The following SHOX variants were observed in gnomAD, a reference collection of about 807,000 sequenced individuals.
The protein encoded by SHOX is SHOX homeobox.
In SHOX, 12 loss-of-function variants were observed where a neutral mutation model predicts 29.6. That is an observed-to-expected ratio of 0.41 (90% CI 0.26 to 0.66). The LOEUF is 0.66. Among genes scored for constraint, SHOX ranks in the 30% least tolerant of loss-of-function variants. SHOX has a pLI of 0.35. For missense variants in SHOX, 499 were observed against 437.7 expected, an observed-to-expected ratio of 1.14 and a Z score of -1.25; for synonymous variants, 214 against 200.6, an observed-to-expected ratio of 1.07 and a Z score of -0.57.
chrX:641,719 A>T (rs992472720), intron 4 of SHOX, among the ~76,000 whole-genome samples: 16 of 151,092 alleles, frequency 1.1e-4, no homozygotes, highest in Non-Finnish European at 2.1e-4. Context: ...AGGCTGTAAA[A>T]ATCCACTTTT....
rs760645033 is a variant in SHOX at position 642,752 on chromosome X, G to A, written c.634-1639G>A. The stretch of plus-strand genomic sequence containing the variant: ...TGGGGACCTGGTATCCCCGGGAGAG[G>A]CTTGGGGACCTGGTGTCCCGGGAGA... On this transcript the variant is annotated intron_variant, in intron 4 of 4. Transcript: ENST00000686671. Among the ~76,000 whole-genome samples, 5 of 151,856 alleles carry A rather than the reference G, an allele frequency of 3.3e-5. No homozygotes were observed. The South Asian group carries it at 1.0e-3, about 32-fold the overall frequency.
intron 2 of SHOX, among the ~76,000 whole-genome samples, chrX:637,507 T>C (rs1315219177): frequency 2.0e-5 from 3 of 149,934 alleles, no homozygotes; most frequent in African/African-American, 2.5e-5. Flanking sequence ...TAAAGACAAA[T>C]CGGGGACAAG....
rs774312141 is a variant in SHOX, at chrX:630,870, C to A, written c.-28C>A. ...GGGAGACGCGCGCATCCACCAGCCC[C>A]GGCTGCTCGCCAGCCCCGGCCCCAG... On this transcript the variant is annotated 5_prime_UTR_variant, in exon 1 of 5. Coordinates refer to ENST00000686671, the MANE Select transcript of SHOX (RefSeq NM_000451.4). 1.2e-6 allele frequency: 2 copies of A among 1,612,038 alleles called. No homozygotes were observed. Among genetic ancestry groups the A allele is most frequent in the Non-Finnish European group, 8.5e-7 (1 of 1,179,662 alleles).
In SHOX at chrX:644,480, C is replaced by T. The variant is rs886042718; in HGVS notation, c.723C>T (p.Phe241=). 13 of 1,522,570 alleles carry T rather than the reference C, an allele frequency of 8.5e-6. No individual in the cohort carries two copies. In the East Asian group the frequency reaches 1.5e-4, roughly 18 times the overall value. 94.3% of individuals were successfully genotyped at this position (1,522,570 alleles called of 1,614,324 possible). The part of the protein sequence containing the change: ...HLAAHAPYLM[F]PPPPFGLPIA... Reference sequence around the variant, plus strand: ...CGGCGCACGCGCCCTACCTGATGTTCCCCCCGCCGCCCTTCGGGCTGCCCA... The same window carrying T: ...CGGCGCACGCGCCCTACCTGATGTTTCCCCCGCCGCCCTTCGGGCTGCCCA... Residue 241 remains phenylalanine, a synonymous_variant, in exon 5 of 5, where the codon TTC becomes TTT. Transcript: ENST00000686671.
chrX:644,316 T>A (rs1230062677), intron 4 of SHOX, 75 bp from the exon 5 acceptor site: 23 of 1,441,186 alleles, frequency 1.6e-5, no homozygotes, highest in South Asian at 2.8e-5. Flanking sequence ...CGTTGGAGGT[T>A]TCCGGGGGCG....
chrX:640,615 A>C (rs2052837014), intron 2 of SHOX, among the ~76,000 whole-genome samples: 1 of 152,014 alleles, frequency 6.6e-6, no homozygotes, highest in South Asian at 2.1e-4. Context: ...CAAAAAATCC[A>C]AAAAAACCCC....
At chrX:655,264 C>T (rs780645968), downstream of SHOX, among the ~76,000 whole-genome samples, 20 of 151,828 alleles carry the variant, frequency 1.3e-4, no homozygotes, top group African/African-American at 4.3e-4. Flanking sequence ...CCCGCCACCA[C>T]GCCCGGCTAA....
At chrX:625,008 C>T (rs914619542) in intron 1 of SHOX, among the ~76,000 whole-genome samples, 1 of 149,608 alleles carries the variant, frequency 6.7e-6, no homozygotes, top group African/African-American at 2.5e-5. Flanking sequence ...TTCCTTCCCT[C>T]CTTCCTTCCT....
At position 644,594 on chromosome X, in the gene SHOX, G is replaced by T; in HGVS notation, c.837G>T (p.Leu279=). ...SNSKNSSIAD[L]RLKARKHAEA... is the part of the protein sequence containing the mutation. ...GCAAGAATTCCAGCATCGCCGACCTGCGGCTCAAGGCGCGGAAGCACGCGG... is the reference window on the plus strand; with the variant it reads ...GCAAGAATTCCAGCATCGCCGACCTTCGGCTCAAGGCGCGGAAGCACGCGG... Residue 279 remains leucine, a synonymous_variant, in exon 5 of 5, where the codon CTG becomes CTT. Coordinates refer to ENST00000686671, the MANE Select transcript of SHOX (RefSeq NM_000451.4). 2.0e-6 allele frequency: 3 copies of T among 1,511,692 alleles called. No homozygotes were observed. The highest frequency in any genetic ancestry group is 2.6e-6 in the Non-Finnish European group (3 of 1,136,934). The allele number at this position is 1,511,692 out of a possible 1,614,324, so 93.6% of individuals were successfully genotyped here.
chrX:634,999 C>G (rs892052722), intron 2 of SHOX, among the ~76,000 whole-genome samples, 173 bp downstream of exon 2: 3 of 152,092 alleles, frequency 2.0e-5, no homozygotes, highest in Non-Finnish European at 4.4e-5. Flanking sequence ...CGCCTGAGGC[C>G]TGTAGGATGG....
Position 649,657 on chromosome X carries a change from A to T in SHOX, c.*5021A>T, listed in dbSNP as rs28732380. ...AGAGAGCAACGTGGGCTGTGTTCCG[A>T]TGTAACGCCGTTGCAGAGAGAGGAT... On this transcript the variant is annotated 3_prime_UTR_variant, in exon 5 of 5. Transcript: ENST00000686671. 0.66 allele frequency among the ~76,000 whole-genome samples: 100,468 copies of T among 151,974 alleles called. 33,352 individuals carry two copies. Among genetic ancestry groups the T allele is most frequent in the Non-Finnish European group, 0.68 (46,359 of 67,942 alleles).
chrX:626,964 ATC>A (rs1009719557), upstream of SHOX, among the ~76,000 whole-genome samples: 2 of 97,500 alleles, frequency 2.1e-5, no homozygotes, highest in African/African-American at 4.1e-5. Flanking sequence ...CTCTGTCTGT[ATC>A]TCTGTCTACC....
chrX:635,860 GA>G lies in SHOX; in HGVS notation c.486+1035del, dbSNP rs1391127441. Reference sequence around the variant, plus strand: ...GGCAGGACAGAAGTGGGGGGAGGGAGAGAGAGAGAGAGAGAGAGAGAGAGAC... The same window carrying G: ...GGCAGGACAGAAGTGGGGGGAGGGAGGAGAGAGAGAGAGAGAGAGAGAGAC... On this transcript the variant is annotated intron_variant, in intron 2 of 4. Transcript: ENST00000686671. 2.7e-4 allele frequency among the ~76,000 whole-genome samples: 6 copies of G among 21,974 alleles called. No individual in the cohort carries two copies. The South Asian group carries it at 0.011, about 39-fold the overall frequency. The allele number at this position is 21,974 out of a possible 152,430, so 14.4% of individuals were successfully genotyped here. A position where few individuals can be genotyped will look rare whatever the true frequency, so the allele number is the denominator to read the frequency against.
chrX:625,256 C>G (rs1161087059), intron 1 of SHOX, among the ~76,000 whole-genome samples: 4 of 139,870 alleles, frequency 2.9e-5, no homozygotes, highest in African/African-American at 5.3e-5. Flanking sequence ...ACTCCTTTTC[C>G]TCCTCTTCCC....
At chrX:641,564 C>T (rs1399563108) in intron 4 of SHOX, among the ~76,000 whole-genome samples, 3 of 151,938 alleles carry the variant, frequency 2.0e-5, no homozygotes, top group Admixed American at 2.0e-4. Context: ...TGGTGCACAC[C>T]TGTGATCCCA....
downstream of SHOX, among the ~76,000 whole-genome samples, chrX:654,043 T>C (rs988096444): frequency 2.6e-5 from 4 of 152,220 alleles, no homozygotes; most frequent in African/African-American, 9.6e-5. Flanking sequence ...CGTATTTTAA[T>C]TTCTTTTGTT....
In SHOX at chrX:634,804, G is replaced by A; in HGVS notation, c.464G>A (p.Gly155Glu). Reference sequence around the variant, plus strand: ...CGCGAGGAGCTCAGCCAGCGCCTGGGGCTCTCCGAGGCGCGCGTGCAGGTA... The same window carrying A: ...CGCGAGGAGCTCAGCCAGCGCCTGGAGCTCTCCGAGGCGCGCGTGCAGGTA... ...FMREELSQRLGLSEARVQVWF... is the reference protein window; with the variant it reads ...FMREELSQRLELSEARVQVWF... Residue 155 changes from glycine (G) to glutamate (E), a missense_variant, in exon 2 of 5, where the codon GGG (glycine) becomes GAG (glutamate). Transcript: ENST00000686671. The A allele has an allele frequency of 2.5e-6, 4 of 1,580,128 alleles. No homozygotes were observed. The highest frequency in any genetic ancestry group is 2.6e-6 in the Non-Finnish European group (3 of 1,163,376).
intron 2 of SHOX, among the ~76,000 whole-genome samples, chrX:635,864 G>GAC (rs1383513424): frequency 6.8e-6 from 1 of 148,084 alleles, no homozygotes; most frequent in Non-Finnish European, 1.5e-5. Context: ...GAGGGAGAGA[G>GAC]AGAGAGAGAG....
Position 649,214 on chromosome X carries a change from T to G in SHOX, c.*4578T>G, listed in dbSNP as rs1225706292. ...CACCATTCCCGGATAATTTTTGTAT[T>G]TTTTAGTAGAGACCGGGTTTCGCCA... is the stretch of plus-strand genomic sequence containing the variant. On this transcript the variant is annotated 3_prime_UTR_variant, in exon 5 of 5. Coordinates refer to ENST00000686671, the MANE Select transcript of SHOX (RefSeq NM_000451.4). 2.0e-5 allele frequency among the ~76,000 whole-genome samples: 3 copies of G among 151,932 alleles called. No homozygotes were observed. The highest frequency in any genetic ancestry group is 4.4e-5 in the Non-Finnish European group (3 of 67,972).
Sources: gnomAD v4.1 joint callset for allele counts (sites outside exome capture counted in the v4.1 genomes callset) on GRCh38, gnomAD v4.1.1 for gene constraint, MANE v1.5 for transcripts, NCBI Gene and HGNC (gene_info 2026-07-23, HGNC 2026-07-21) for gene names.